The following ZNF644 variants were observed in gnomAD, a reference collection of about 807,000 sequenced individuals.
ZNF644 encodes the protein zinc finger motif enhancer binding protein 2.
In ZNF644, 20 loss-of-function variants were observed where a neutral mutation model predicts 108.0. The ratio of observed to expected loss-of-function variants is 0.19; its 90% CI spans 0.13 to 0.27. ZNF644 has a LOEUF of 0.27. ZNF644 is among the 10% of genes least tolerant of loss of function. The pLI, the probability that ZNF644 is intolerant of heterozygous loss-of-function variation, is 1.00. For synonymous variants in ZNF644, 542 were observed against 539.1 expected, an observed-to-expected ratio of 1.01 and a Z score of -0.08; for missense variants, 1,338 against 1,548.9, an observed-to-expected ratio of 0.86 and a Z score of 2.29.
At chr1:91,012,959 C>T (rs1345098035) in intron 1 of ZNF644, among the ~76,000 whole-genome samples, 1 of 152,154 alleles carries the variant, frequency 6.6e-6, no homozygotes, top group Non-Finnish European at 1.5e-5. Context: ...ATCAATATTC[C>T]CTAAATGAAA....
intron 1 of ZNF644, among the ~76,000 whole-genome samples, chr1:90,990,165 G>C (rs1016908368): frequency 3.9e-5 from 6 of 152,174 alleles, no homozygotes; most frequent in African/African-American, 1.4e-4. Flanking sequence ...GAGAGAGGAA[G>C]TGAAATTAGT....
intron 4 of ZNF644, among the ~76,000 whole-genome samples, chr1:90,924,643 C>T (rs905764973): frequency 6.6e-6 from 1 of 152,072 alleles, no homozygotes; most frequent in African/African-American, 2.4e-5. Context: ...TGGCACAAAT[C>T]CATGGTCGCA....
At chr1:90,972,709 C>G (rs554008516) in intron 2 of ZNF644, 1 of 152,290 alleles carries the variant, frequency 6.6e-6, no homozygotes, top group African/African-American at 2.4e-5. Context: ...ATGGTGGAAG[C>G]AACACAGGTG....
Position 91,019,786 on chromosome 1 carries a change from C to T in ZNF644, c.-18+2204G>A, listed in dbSNP as rs182109226. 1.8e-3 allele frequency among the ~76,000 whole-genome samples: 277 copies of T among 152,210 alleles called. 1 individual carries two copies. Among genetic ancestry groups the T allele is most frequent in the Non-Finnish European group, 2.6e-3 (176 of 68,010 alleles). On this transcript the variant is annotated intron_variant, in intron 1 of 5. Transcript: ENST00000337393. ...TTCACCATGTTAGCCAGGATGGTCT[C>T]GATCTCTTGACCTCGTGATCTGCTC... is the stretch of plus-strand genomic sequence containing the variant.
intron 2 of ZNF644, among the ~76,000 whole-genome samples, chr1:90,979,039 G>T (rs767014657): frequency 2.6e-5 from 4 of 152,036 alleles, no homozygotes; most frequent in Non-Finnish European, 4.4e-5. Flanking sequence ...ACTTGCTAGA[G>T]GGCAATCAAG....
At chr1:91,016,816 G>A (rs1220549900) in intron 1 of ZNF644, among the ~76,000 whole-genome samples, 1 of 152,006 alleles carries the variant, frequency 6.6e-6, no homozygotes, top group Admixed American at 6.5e-5. Flanking sequence ...ATATACTTAC[G>A]TTTCTAGAGT....
intron 1 of ZNF644, among the ~76,000 whole-genome samples, chr1:90,998,863 G>A (rs1181298882): frequency 6.6e-6 from 1 of 152,166 alleles, no homozygotes; most frequent in Non-Finnish European, 1.5e-5. Context: ...ATGACCTGAT[G>A]GAGCTGAAAA....
At chr1:90,990,821 C>G (rs982889686) in intron 1 of ZNF644, among the ~76,000 whole-genome samples, 5 of 152,076 alleles carry the variant, frequency 3.3e-5, no homozygotes, top group African/African-American at 1.2e-4. Context: ...CACGTTAACA[C>G]CAGACAAAAA....
intron 2 of ZNF644, among the ~76,000 whole-genome samples, chr1:90,975,449 T>C (rs944248361): frequency 2.0e-5 from 3 of 150,756 alleles, no homozygotes; most frequent in African/African-American, 7.3e-5. Context: ...TTTTTTTTTT[T>C]TTTTTTGAGA....
chr1:90,991,664 A>G (rs540679479), intron 1 of ZNF644, among the ~76,000 whole-genome samples: 9 of 152,316 alleles, frequency 5.9e-5, no homozygotes, highest in African/African-American at 1.7e-4. Context: ...GAGCAGGAGA[A>G]TAAGAGTGAA....
chr1:91,006,636 T>C (rs1289012028), intron 1 of ZNF644, among the ~76,000 whole-genome samples: 9 of 152,126 alleles, frequency 5.9e-5, no homozygotes, highest in Non-Finnish European at 1.3e-4. Context: ...GTCTTTTTTT[T>C]CTCTAAAGAC....
intron 2 of ZNF644, among the ~76,000 whole-genome samples, chr1:90,963,213 G>A (rs1654509690): frequency 6.6e-6 from 1 of 152,050 alleles, no homozygotes; most frequent in African/African-American, 2.4e-5. Context: ...GGTGAGGATA[G>A]GAGAAGAGAC....
chr1:90,982,219 T>C, intron 2 of ZNF644, 91 bp downstream of exon 2: 1 of 1,086,458 alleles, frequency 9.2e-7, no homozygotes, highest in Non-Finnish European at 1.4e-6. Context: ...AACTCTTTGG[T>C]TCTGAACTCA....
At chr1:90,930,859 A>C (rs1361522197) in intron 4 of ZNF644, among the ~76,000 whole-genome samples, 1 of 152,186 alleles carries the variant, frequency 6.6e-6, no homozygotes, top group Admixed American at 6.5e-5. Context: ...CATCTGACAG[A>C]TCTACTTCCT....
intron 1 of ZNF644, among the ~76,000 whole-genome samples, chr1:90,988,586 T>C (rs1394012249): frequency 6.6e-6 from 1 of 152,034 alleles, no homozygotes; most frequent in Non-Finnish European, 1.5e-5. Context: ...CAAAACAAAC[T>C]TGAAAAAGAA....
chr1:90,948,966 C>T (rs1284915912), intron 2 of ZNF644, among the ~76,000 whole-genome samples: 1 of 152,060 alleles, frequency 6.6e-6, no homozygotes, highest in Non-Finnish European at 1.5e-5. Context: ...AATTAATTTG[C>T]TTAACCTCAT....
At chr1:90,918,653 T>A (rs576671332) in intron 4 of ZNF644, among the ~76,000 whole-genome samples, 2 of 152,266 alleles carry the variant, frequency 1.3e-5, no homozygotes, top group African/African-American at 4.8e-5. Flanking sequence ...GGAATATGGA[T>A]AATGTAATTA....
rs754440728 is a variant in ZNF644, at chr1:90,939,706, C to T, written c.1648G>A (p.Ala550Thr). 31 of 1,613,868 alleles carry T rather than the reference C, an allele frequency of 1.9e-5. No individual in the cohort carries two copies. The East Asian group carries it at 6.5e-4, about 34-fold the overall frequency. ...GTGACCATAGGGCATTTTACCACTG[C>T]CCCATGTGCAATGCCTCGATGGCAT... Reference protein sequence around the residue: ...LECHRGIAHGAVVKCPMVTSD... With the variant: ...LECHRGIAHGTVVKCPMVTSD... Residue 550 changes from alanine to threonine, a missense_variant, in exon 3 of 6, where the codon GCA becomes ACA. This residue lies in a region of ZNF644 where 462 missense variants were observed against 472.6 expected (regional missense o/e 0.98). Coordinates refer to ENST00000337393, the MANE Select transcript of ZNF644 (RefSeq NM_201269.3).
rs1482248547 is a variant in ZNF644, at chr1:90,938,361, A to G, written c.2993T>C (p.Val998Ala). Reference protein sequence around the residue: ...RAGLSYEARHVVSPEQIATSD... With the variant: ...RAGLSYEARHAVSPEQIATSD... ...TGTGGCTATTTGTTCTGGTGATACA[A>G]CATGACGGGCTTCATAGCTTAATCC... Residue 998 changes from valine (V) to alanine (A), a missense_variant, in exon 3 of 6, where the codon GTT becomes GCT. Transcript: ENST00000337393. This position sits in a 1 kb window ranked among gnomAD's most constrained non-coding sequence, Gnocchi z 4.2. 2 of 1,614,000 alleles carry G rather than the reference A, an allele frequency of 1.2e-6. No individual in the cohort carries two copies. Among genetic ancestry groups the G allele is most frequent in the Non-Finnish European group, 1.7e-6 (2 of 1,179,890 alleles).
Sources: gnomAD v4.1 joint callset for allele counts (sites outside exome capture counted in the v4.1 genomes callset) on GRCh38, gnomAD v4.1.1 for gene constraint, gnomAD v4.1.1 regional missense constraint, Gnocchi (gnomAD v3.1) non-coding constraint, MANE v1.5 for transcripts, NCBI Gene and HGNC (gene_info 2026-07-23, HGNC 2026-07-21) for gene names.